The following NFIA variants were observed in gnomAD, a reference collection of about 807,000 sequenced individuals.
The protein encoded by NFIA is nuclear factor 1 A-type.
In NFIA, 8 loss-of-function variants were observed where a neutral mutation model predicts 62.8. The observed-to-expected ratio is 0.13, with a 90% CI of 0.07 to 0.23. The LOEUF is 0.23. Ranked by LOEUF, NFIA falls within the 10% of genes least tolerant of loss-of-function variation. The pLI is 1.00. For synonymous variants in NFIA, 235 were observed against 238.1 expected, an observed-to-expected ratio of 0.99 and a Z score of 0.12; for missense variants, 410 against 642.1, an observed-to-expected ratio of 0.64 and a Z score of 3.91.
At chr1:61,387,213 C>G (rs994123706) in intron 7 of NFIA, among the ~76,000 whole-genome samples, 2 of 152,092 alleles carry the variant, frequency 1.3e-5, no homozygotes, top group Non-Finnish European at 2.9e-5. Flanking sequence ...TGGCACATTG[C>G]TTTTCTCTCT....
chr1:61,256,233 G>T (rs947202511), intron 2 of NFIA, among the ~76,000 whole-genome samples: 10 of 152,044 alleles, frequency 6.6e-5, no homozygotes, highest in Non-Finnish European at 1.5e-4. Context: ...AGGAGTTCAA[G>T]ACCAGCCTGG....
chr1:61,252,643 G>A (rs1244175346), intron 2 of NFIA, among the ~76,000 whole-genome samples: 1 of 152,182 alleles, frequency 6.6e-6, no homozygotes, highest in African/African-American at 2.4e-5. Flanking sequence ...CTTTTATGAT[G>A]CATTATAGAT....
intron 2 of NFIA, among the ~76,000 whole-genome samples, chr1:61,193,123 T>G (rs1055607911): frequency 2.0e-5 from 3 of 152,252 alleles, no homozygotes; most frequent in African/African-American, 4.8e-5. Flanking sequence ...AAAACATGGC[T>G]ATTATCATTG....
chr1:61,216,875 C>T (rs974439330), intron 2 of NFIA, among the ~76,000 whole-genome samples: 1 of 151,808 alleles, frequency 6.6e-6, no homozygotes, highest in Non-Finnish European at 1.5e-5. Flanking sequence ...TGGTGGGTGC[C>T]TGTAATCCCA....
intron 4 of NFIA, among the ~76,000 whole-genome samples, chr1:61,333,067 A>G (rs932721440): frequency 4.4e-5 from 6 of 134,894 alleles, no homozygotes; most frequent in African/African-American, 2.1e-4. Context: ...ACACACACAC[A>G]TACACACACA....
intron 7 of NFIA, among the ~76,000 whole-genome samples, chr1:61,387,717 C>A (rs76865902): frequency 0.011 from 1,647 of 152,296 alleles, 17 homozygotes; most frequent in African/African-American, 0.038. Context: ...GTGCCTCACA[C>A]AGTGGGTTTT....
intron 3 of NFIA, among the ~76,000 whole-genome samples, chr1:61,282,948 A>G (rs1299803678): frequency 2.0e-5 from 3 of 152,206 alleles, no homozygotes. Flanking sequence ...TGTTGGTGGC[A>G]TCAACCCTCA....
intron 3 of NFIA, among the ~76,000 whole-genome samples, chr1:61,292,577 G>A (rs1003595863): frequency 3.3e-5 from 5 of 152,174 alleles, no homozygotes; most frequent in African/African-American, 9.7e-5. Flanking sequence ...TGCATAAAAT[G>A]TGATTGTGAT....
At chr1:61,288,506 C>CT (rs1471492582) in intron 3 of NFIA, among the ~76,000 whole-genome samples, 1 of 152,160 alleles carries the variant, frequency 6.6e-6, no homozygotes, top group Non-Finnish European at 1.5e-5. Flanking sequence ...GGGTTAAACT[C>CT]TATTAGGCTT....
chr1:61,254,119 AC>A (rs1656227037), intron 2 of NFIA, among the ~76,000 whole-genome samples: 1 of 152,218 alleles, frequency 6.6e-6, no homozygotes, highest in Non-Finnish European at 1.5e-5. Context: ...GTTCCATCTT[AC>A]GTCATTTGTG....
intron 3 of NFIA, among the ~76,000 whole-genome samples, chr1:61,282,756 C>G (rs1658214976): frequency 6.6e-6 from 1 of 152,168 alleles, no homozygotes; most frequent in African/African-American, 2.4e-5. Context: ...GCTATCTTCA[C>G]CTGGTTATTT....
chr1:61,407,945 G>A (rs947429623), intron 9 of NFIA, among the ~76,000 whole-genome samples: 1 of 152,154 alleles, frequency 6.6e-6, no homozygotes, highest in Non-Finnish European at 1.5e-5. Flanking sequence ...AATAATGATA[G>A]TGAATACAGG....
At chr1:61,083,784 A>G (rs1390363069) in intron 1 of NFIA, among the ~76,000 whole-genome samples, 2 of 149,360 alleles carry the variant, frequency 1.3e-5, no homozygotes, top group Admixed American at 1.3e-4. Flanking sequence ...CACCACCACC[A>G]CCGCCACCGC....
chr1:61,453,501 C>T (rs1014307498), intron 10 of NFIA, among the ~76,000 whole-genome samples: 29 of 128,722 alleles, frequency 2.3e-4, no homozygotes, highest in African/African-American at 8.1e-4. Flanking sequence ...AGAGGCACTG[C>T]AGATTTTTGT....
At chr1:61,176,184 G>A (rs1017562087) in intron 2 of NFIA, among the ~76,000 whole-genome samples, 1 of 152,202 alleles carries the variant, frequency 6.6e-6, no homozygotes, top group African/African-American at 2.4e-5. Context: ...GCTAACTGCT[G>A]TGTCACCTCT....
At chr1:61,261,336 TTTGA>T (rs1656760991) in intron 2 of NFIA, among the ~76,000 whole-genome samples, 1 of 152,228 alleles carries the variant, frequency 6.6e-6, no homozygotes, top group Non-Finnish European at 1.5e-5. Context: ...AAAATGGGAC[TTTGA>T]TTACCCATAC....
intron 2 of NFIA, among the ~76,000 whole-genome samples, chr1:61,180,921 T>G (rs1029823309): frequency 2.0e-5 from 3 of 152,256 alleles, no homozygotes; most frequent in Non-Finnish European, 2.9e-5. Context: ...CCATCTCATC[T>G]TAAACCCATT....
intron 2 of NFIA, among the ~76,000 whole-genome samples, chr1:61,126,464 A>ACACACACACACACACT (rs1230673383): frequency 1.3e-5 from 2 of 151,188 alleles, no homozygotes; most frequent in African/African-American, 2.4e-5. Flanking sequence ...ACACACACAC[A>ACACACACACACACACT]CACACACACA....
At chr1:61,294,571 A>T (rs896829703) in intron 3 of NFIA, among the ~76,000 whole-genome samples, 1 of 152,220 alleles carries the variant, frequency 6.6e-6, no homozygotes, top group Non-Finnish European at 1.5e-5. Context: ...CAGTTTTCAT[A>T]TTACATTTAT....
Sources: allele counts gnomAD v4.1 joint callset (sites outside exome capture counted in the v4.1 genomes callset), GRCh38; gene constraint gnomAD v4.1.1; transcripts MANE v1.5; gene names NCBI Gene and HGNC (gene_info 2026-07-23, HGNC 2026-07-21).